Variants in ZNF718 observed in about 807,000 individuals in gnomAD.
ZNF718 encodes the protein zinc finger protein 718.
Under a neutral mutation model 2.6 loss-of-function variants are expected in ZNF718, and 3 were observed. The observed-to-expected ratio is 1.16, with a 90% CI of 0.53 to 3.01. ZNF718 has a LOEUF of 3.01. Among genes scored for constraint, ZNF718 ranks in the 30% most tolerant of loss-of-function variants. ZNF718 has a pLI of 0.03. For missense variants in ZNF718, 468 were observed against 230.0 expected, an observed-to-expected ratio of 2.03 and a Z score of -6.69; for synonymous variants, 135 against 77.9, an observed-to-expected ratio of 1.73 and a Z score of -3.86.
At chr4:184,936 A>G (rs1430075991) in intron 3 of ZNF718, among the ~76,000 whole-genome samples, 3 of 151,458 alleles carry the variant, frequency 2.0e-5, no homozygotes, top group East Asian at 3.9e-4. Context: ...TATTTTATTA[A>G]TTTTTTCAAA....
At chr4:159,227 AG>A (rs1553814411) in intron 3 of ZNF718, among the ~76,000 whole-genome samples, 1 of 151,850 alleles carries the variant, frequency 6.6e-6, no homozygotes, top group Non-Finnish European at 1.5e-5. Context: ...TAGTAGAGAC[AG>A]GGTTTCACCA....
chr4:195,366 T>C (rs538402007), intron 3 of ZNF718, among the ~76,000 whole-genome samples: 1 of 152,042 alleles, frequency 6.6e-6, no homozygotes, highest in Non-Finnish European at 1.5e-5. Context: ...CACATTGTGG[T>C]TTTTTTTCTC....
chr4:164,245 C>T (rs1373864058), downstream of ZNF718, among the ~76,000 whole-genome samples: 1 of 151,988 alleles, frequency 6.6e-6, no homozygotes, highest in African/African-American at 2.4e-5. Flanking sequence ...AATATATAAA[C>T]ATATTGCTGT....
At chr4:196,424 T>G (rs1209688204) in intron 3 of ZNF718, among the ~76,000 whole-genome samples, 2 of 151,666 alleles carry the variant, frequency 1.3e-5, no homozygotes, top group African/African-American at 2.4e-5. Flanking sequence ...TTAGATACCT[T>G]TGGAGATACA....
At chr4:170,663 G>A (rs980053821) in intron 3 of ZNF718, among the ~76,000 whole-genome samples, 9 of 152,076 alleles carry the variant, frequency 5.9e-5, no homozygotes, top group Middle Eastern at 3.4e-3. Context: ...TTGTGCGTTC[G>A]TCATGTAGTT....
At chr4:141,679 G>A (rs1553810262) in intron 3 of ZNF718, among the ~76,000 whole-genome samples, 1 of 152,158 alleles carries the variant, frequency 6.6e-6, no homozygotes, top group Non-Finnish European at 1.5e-5. Flanking sequence ...TTCCAAAACT[G>A]TATGAGATTT....
rs905423708 is a variant in ZNF718, at chr4:189,073, T to A, written c.227-12008T>A. Among the ~76,000 whole-genome samples, 7 of 151,032 alleles carry A rather than the reference T, an allele frequency of 4.6e-5. 1 individual carries two copies. Among genetic ancestry groups the A allele is most frequent in the Admixed American group, 4.6e-4 (7 of 15,166 alleles). ...ATCTGTAGATTATTTTTTTTTTTTT[T>A]TTTTGAGATGGAGTTTTGTTCTTGT... is the stretch of plus-strand genomic sequence containing the variant. On this transcript the variant is annotated intron_variant and NMD_transcript_variant, in intron 3 of 4. Transcript: ENST00000642529.
At chr4:166,020 GC>G (rs1473767623), downstream of ZNF718, among the ~76,000 whole-genome samples, 1 of 152,004 alleles carries the variant, frequency 6.6e-6, no homozygotes, top group Admixed American at 6.6e-5. Flanking sequence ...CCCACAGCAG[GC>G]CCCAGTGTGT....
intron 3 of ZNF718, among the ~76,000 whole-genome samples, chr4:169,793 CTT>C (rs1413018094): frequency 2.0e-5 from 3 of 152,138 alleles, no homozygotes; most frequent in East Asian, 1.9e-4. Flanking sequence ...GGTCTTGACT[CTT>C]TATCCAATTT....
At chr4:201,933 A>G (rs963097483) in exon 5 of ZNF718, 8 of 185,938 alleles carry the variant, frequency 4.3e-5, no homozygotes, top group Middle Eastern at 1.3e-3. Context: ...TCTGTGGACT[A>G]GAGATCCTTG....
At chr4:134,770 A>T (rs758711683) in intron 3 of ZNF718, among the ~76,000 whole-genome samples, 1 of 151,660 alleles carries the variant, frequency 6.6e-6, no homozygotes, top group Non-Finnish European at 1.5e-5. Flanking sequence ...GTTTGTTGTT[A>T]CTATTTGGAA....
chr4:176,769 A>C (rs1009637805), intron 3 of ZNF718, among the ~76,000 whole-genome samples: 1 of 152,206 alleles, frequency 6.6e-6, no homozygotes, highest in African/African-American at 2.4e-5. Flanking sequence ...ACTACTAGAC[A>C]CATGATTTTG....
chr4:146,077 C>CTATATATATATATATATATA (rs5742061), intron 3 of ZNF718, among the ~76,000 whole-genome samples: 32 of 143,054 alleles, frequency 2.2e-4, no homozygotes, highest in South Asian at 2.0e-3. Context: ...ATATAGCCTT[C>CTATATATATATATATATATA]TATATATATA....
intron 3 of ZNF718, among the ~76,000 whole-genome samples, chr4:152,230 T>C (rs1482167030): frequency 6.9e-6 from 1 of 145,332 alleles, no homozygotes; most frequent in Non-Finnish European, 1.5e-5. Context: ...GCCTTCCTCT[T>C]GTCTCAACTG....
chr4:175,918 G>A (rs892047191), intron 3 of ZNF718, among the ~76,000 whole-genome samples: 7 of 146,562 alleles, frequency 4.8e-5, no homozygotes, highest in Middle Eastern at 3.6e-3. Flanking sequence ...GTGCAGTGGC[G>A]CTATCTCGGC....
intron 3 of ZNF718, among the ~76,000 whole-genome samples, chr4:187,391 TA>T (rs1553820608): frequency 6.6e-6 from 1 of 152,076 alleles, no homozygotes; most frequent in Non-Finnish European, 1.5e-5. Flanking sequence ...CACGCCCAGC[TA>T]ATTTTTGTAT....
intron 3 of ZNF718, among the ~76,000 whole-genome samples, chr4:184,263 T>C (rs575379361): frequency 2.4e-4 from 36 of 152,212 alleles, no homozygotes; most frequent in Admixed American, 2.0e-3. Flanking sequence ...TATTGAGAAA[T>C]ATCATGTGGT....
chr4:124,774 A>T, intron 1 of ZNF718, 101 bp downstream of exon 1: 1 of 1,518,870 alleles, frequency 6.6e-7, no homozygotes, highest in South Asian at 1.2e-5. Context: ...GTTCCCGCTC[A>T]GCCCTCTGTC....
chr4:198,570 G>C (rs1220114315), intron 3 of ZNF718, among the ~76,000 whole-genome samples: 1 of 152,186 alleles, frequency 6.6e-6, no homozygotes. Context: ...AAAGAGGGAA[G>C]GGAAAGTTAC....
Sources: allele counts gnomAD v4.1 joint callset (sites outside exome capture counted in the v4.1 genomes callset), GRCh38; gene constraint gnomAD v4.1.1; transcripts MANE v1.5; gene names NCBI Gene and HGNC (gene_info 2026-07-23, HGNC 2026-07-21).